GCM2: variants seen among roughly 807,000 people sequenced by gnomAD.
GCM2 encodes the protein chorion-specific transcription factor GCMb.
In GCM2, 21 loss-of-function variants were observed where a neutral mutation model predicts 24.8. That is an observed-to-expected ratio of 0.85 (90% CI 0.60 to 1.22). GCM2 has a LOEUF of 1.22. GCM2 is among the 50% of genes most tolerant of loss of function. The pLI is 0.00. For missense variants in GCM2, 532 were observed against 645.6 expected (o/e 0.82, Z 1.91); for synonymous variants, 222 against 238.0 (o/e 0.93, Z 0.62).
chr6:10,880,643 TTCATCCACCCCAG>T (rs1412840129), intron 1 of GCM2, among the ~76,000 whole-genome samples: 3 of 152,192 alleles, frequency 2.0e-5, no homozygotes, highest in Non-Finnish European at 4.4e-5. Context: ...CATTCACCAC[TTCATCCACCCCAG>T]TCATTCTTTG....
Position 10,881,718 on chromosome 6 carries a change from G to A in GCM2, c.76C>T (p.Pro26Ser), listed in dbSNP as rs763734928. ...GMQLSWDIND[P>S]QMPQELALFD... ...GGTTCACTTACCTGAGGCATCTGCGGATCGTTGATGTCCCAGCTGAGCTGC... is the reference window on the plus strand; with the variant it reads ...GGTTCACTTACCTGAGGCATCTGCGAATCGTTGATGTCCCAGCTGAGCTGC... Residue 26 changes from proline to serine, a missense_variant, in exon 1 of 5, where the codon CCG becomes TCG. Pro to Ser is a moderately conservative substitution (Grantham distance 74, BLOSUM62 -1). This residue lies in a region of GCM2 where 96 missense variants were observed against 103.5 expected (regional missense o/e 0.93). Coordinates refer to ENST00000379491, the MANE Select transcript of GCM2 (RefSeq NM_004752.4). The A allele has an allele frequency of 6.2e-7, 1 of 1,611,664 alleles. No homozygotes were observed. The highest frequency in any genetic ancestry group is 1.1e-5 in the South Asian group (1 of 91,074).
intron 1 of GCM2, among the ~76,000 whole-genome samples, chr6:10,877,942 G>C (rs1779906160): frequency 6.6e-6 from 1 of 152,198 alleles, no homozygotes; most frequent in African/African-American, 2.4e-5. Context: ...AAAGCACTTG[G>C]CTCTGTATGC....
intron 1 of GCM2, 90 bp from the exon 2 acceptor site, chr6:10,877,482 C>G (rs1184235102): frequency 7.3e-7 from 1 of 1,366,120 alleles, no homozygotes; most frequent in African/African-American, 1.4e-5. Context: ...CATTAGGATA[C>G]AAACCAGTTC....
Position 10,877,465 on chromosome 6 carries a change from C to G in GCM2, c.91-73G>C. Reference sequence around the variant, plus strand: ...GCACACATCATGCTCTAAAATTTCTCTGAGCACATTAGGATACAAACCAGT... The same window carrying G: ...GCACACATCATGCTCTAAAATTTCTGTGAGCACATTAGGATACAAACCAGT... On this transcript the variant is annotated intron_variant, in intron 1 of 4. Transcript: ENST00000379491. 3 of 1,509,348 alleles carry G rather than the reference C, an allele frequency of 2.0e-6. No homozygotes were observed. In the South Asian group the frequency reaches 3.4e-5, roughly 17 times the overall value. The allele number at this position is 1,509,348 out of a possible 1,614,324, so 93.5% of individuals were successfully genotyped here.
Position 10,873,634 on chromosome 6 carries a change from C to G in GCM2, c.*361G>C. 3.1e-6 allele frequency: 1 copy of G among 318,254 alleles called. No homozygotes were observed. 19.7% of individuals were successfully genotyped at this position (318,254 alleles called of 1,614,324 possible). On this transcript the variant is annotated 3_prime_UTR_variant, in exon 5 of 5. Transcript: ENST00000379491. ...GGGATGTGAAATTCCCTAAGGTGCT[C>G]TAATGGGAAAAGTCCTAGAATAAGA...
chr6:10,877,414 G>A (rs1354014563), intron 1 of GCM2, 22 bp from the exon 2 acceptor site: 1 of 1,613,774 alleles, frequency 6.2e-7, no homozygotes, highest in Non-Finnish European at 8.5e-7. Flanking sequence ...CAGAAGGAAG[G>A]GTGGTCAGTC....
chr6:10,874,047 C>G lies in GCM2; in HGVS notation c.1469G>C (p.Ser490Thr). 6.2e-7 allele frequency: 1 copy of G among 1,614,242 alleles called. No homozygotes were observed. The highest frequency in any genetic ancestry group is 1.1e-5 in the South Asian group (1 of 91,092). ...GAAGGGACCCACTCTGTCTGAGTAACTGACTGCGGAGCCCAGCCCAGACAG... is the reference window on the plus strand; with the variant it reads ...GAAGGGACCCACTCTGTCTGAGTAAGTGACTGCGGAGCCCAGCCCAGACAG... ...VCLSGLGSAV[S>T]YSDRVGPFFT... Residue 490 changes from serine (S) to threonine (T), a missense_variant, in exon 5 of 5, where the codon AGT (serine) becomes ACT (threonine). This residue lies in a region of GCM2 where 434 missense variants were observed against 521.9 expected (regional missense o/e 0.83). Coordinates refer to ENST00000379491, the MANE Select transcript of GCM2 (RefSeq NM_004752.4).
At position 10,874,140 on chromosome 6, in the gene GCM2, G is replaced by A; in HGVS notation, c.1376C>T (p.Pro459Leu). 1 of 1,614,184 alleles carries A rather than the reference G, an allele frequency of 6.2e-7. No homozygotes were observed. Among genetic ancestry groups the A allele is most frequent in the Non-Finnish European group, 8.5e-7 (1 of 1,180,032 alleles). Residue 459 changes from proline (P) to leucine (L), a missense_variant, in exon 5 of 5, where the codon CCC becomes CTC. Pro to Leu is a moderately conservative substitution (Grantham distance 98). Transcript: ENST00000379491. ...TGGCTCGTGGGGAATAGCCACAGTG[G>A]GTCTGATGGCCCGGCAATCTCCTGC... ...KIAGDCRAIR[P>L]TVAIPHEPVS...
At chr6:10,877,006 T>C (rs896968480) in intron 2 of GCM2, 134 bp downstream of exon 2, 50 of 1,198,098 alleles carry the variant, frequency 4.2e-5, no homozygotes, top group Non-Finnish European at 5.7e-5. Flanking sequence ...GAGGTTGCAG[T>C]GAGCTGAGAT....
At chr6:10,881,314 A>G (rs1479308805) in intron 1 of GCM2, among the ~76,000 whole-genome samples, 3 of 151,934 alleles carry the variant, frequency 2.0e-5, no homozygotes, top group African/African-American at 7.3e-5. Context: ...ATGCGCCACC[A>G]CGCTGGGCTG....
rs771521382 is a variant in GCM2 at position 10,876,010 on chromosome 6, C to A, written c.463G>T (p.Gly155Ter). 6.2e-7 allele frequency: 1 copy of A among 1,614,082 alleles called. No individual in the cohort carries two copies. Residue 155 changes from glycine (G) to a stop codon, truncating the protein, a stop_gained, in exon 4 of 5, where the codon GGA (glycine) becomes TGA (stop). Coordinates refer to ENST00000379491, the MANE Select transcript of GCM2 (RefSeq NM_004752.4). LOFTEE classifies it high-confidence loss of function. The part of the protein sequence containing the change: ...DGNAIFFQAK[G>*]VHDHPRPESK... ...TCTGGTCTTGGATGATCATGAACTC[C>A]CTTGGCCTGCGATAACGAGAAAATG...
Position 10,881,746 on chromosome 6 carries a change from C to T in GCM2, c.48G>A (p.Gly16=), listed in dbSNP as rs1239353168. ...VQEAVGVCSY[G]MQLSWDINDP... ...CGTTGATGTCCCAGCTGAGCTGCAT[C>T]CCGTAGGAGCACACGCCGACCGCTT... Residue 16 remains glycine (G), a synonymous_variant, in exon 1 of 5, where the codon GGG becomes GGA. Coordinates refer to ENST00000379491, the MANE Select transcript of GCM2 (RefSeq NM_004752.4). 3.1e-6 allele frequency: 5 copies of T among 1,611,382 alleles called. No individual in the cohort carries two copies. The highest frequency in any genetic ancestry group is 4.2e-6 in the Non-Finnish European group (5 of 1,179,990).
rs374388110 is a variant in GCM2 at position 10,877,200 on chromosome 6, C to G, written c.283G>C (p.Asp95His). Residue 95 changes from aspartate (D) to histidine (H), a missense_variant, in exon 2 of 5, where the codon GAC becomes CAC. Asp to His is a moderately conservative substitution (Grantham distance 81). Transcript: ENST00000379491. ...GGCCTCAGCTGCAGGCGGGAACCGTCGGGCAGGGTGCAGGCCTGTGTACAC... is the reference window on the plus strand; with the variant it reads ...GGCCTCAGCTGCAGGCGGGAACCGTGGGGCAGGGTGCAGGCCTGTGTACAC... Reference protein sequence around the residue: ...VVCTQACTLPDGSRLQLRPAI... With the variant: ...VVCTQACTLPHGSRLQLRPAI... 2 of 1,614,042 alleles carry G rather than the reference C, an allele frequency of 1.2e-6. No homozygotes were observed. Among genetic ancestry groups the G allele is most frequent in the Non-Finnish European group, 1.7e-6 (2 of 1,180,056 alleles).
At chr6:10,881,618 C>T (rs1779960537) in intron 1 of GCM2, 86 bp downstream of exon 1, 3 of 837,736 alleles carry the variant, frequency 3.6e-6, no homozygotes, top group Admixed American at 3.9e-5. Context: ...ATGGTCCGTC[C>T]GCAGACTCTT....
chr6:10,876,515 G>A lies in GCM2; in HGVS notation c.386C>T (p.Pro129Leu). The change falls in exon 3 of 5, where the codon CCT (proline) becomes CTT (leucine). Residue 129 changes from proline to leucine, a missense_variant. Physicochemically the swap from Pro to Leu is moderately conservative, Grantham distance 98. Transcript: ENST00000379491. ...GGGGTATCCGCTGTGCCCTCGACAA[G>A]GAATCAACTCCAAAGCAGAATGACA... ...PNCHSALELI[P>L]CRGHSGYPVT... The A allele has an allele frequency of 1.2e-6, 2 of 1,614,016 alleles. No individual in the cohort carries two copies. Among genetic ancestry groups the A allele is most frequent in the Non-Finnish European group, 1.7e-6 (2 of 1,179,896 alleles).
Position 10,874,943 on chromosome 6 carries a change from T to A in GCM2, c.583-10A>T. ...CTTGATTTTCTTCTGCCTAGAAAAA[T>A]GATACAAACATAGACACACGCTATG... is the stretch of plus-strand genomic sequence containing the variant. On this transcript the variant is annotated splice_polypyrimidine_tract_variant and intron_variant, in intron 4 of 4. Coordinates refer to ENST00000379491, the MANE Select transcript of GCM2 (RefSeq NM_004752.4). 6.3e-7 allele frequency: 1 copy of A among 1,577,374 alleles called. No homozygotes were observed. Among genetic ancestry groups the A allele is most frequent in the Non-Finnish European group, 8.7e-7 (1 of 1,146,668 alleles).
chr6:10,875,411 T>C (rs1310935496), intron 4 of GCM2, among the ~76,000 whole-genome samples: 3 of 152,196 alleles, frequency 2.0e-5, no homozygotes, highest in Non-Finnish European at 4.4e-5. Flanking sequence ...GCCTGGCACA[T>C]AGGAAGTGCT....
Position 10,873,487 on chromosome 6 carries a change from C to A in GCM2, c.*508G>T, listed in dbSNP as rs988723486. The A allele has an allele frequency of 6.6e-5, 11 of 167,424 alleles. No individual in the cohort carries two copies. Among genetic ancestry groups the A allele is most frequent in the African/African-American group, 1.2e-4 (5 of 41,580 alleles). The allele number at this position is 167,424 out of a possible 1,614,324, so 10.4% of individuals were successfully genotyped here. A position where few individuals can be genotyped will look rare whatever the true frequency, so the allele number is the denominator to read the frequency against. ...GTAGATACACACGTTGGAGATAAAA[C>A]AATCAAAATTACTTCCTGAAGCTAG... On this transcript the variant is annotated 3_prime_UTR_variant, in exon 5 of 5. Coordinates refer to ENST00000379491, the MANE Select transcript of GCM2 (RefSeq NM_004752.4).
In GCM2 at chr6:10,873,338, TGG is replaced by T; in HGVS notation, c.*655_*656del. 6.5e-6 allele frequency: 1 copy of T among 153,640 alleles called. No homozygotes were observed. Among genetic ancestry groups the T allele is most frequent in the Admixed American group, 6.4e-5 (1 of 15,534 alleles). 9.5% of individuals were successfully genotyped at this position (153,640 alleles called of 1,614,324 possible). A position where few individuals can be genotyped will look rare whatever the true frequency, so the allele number is the denominator to read the frequency against. ...CATCATTGTTAGGCTGTCTCTGTTATGGAAACTATCATGTTATGAAAAGGTTA... is the reference window on the plus strand; with the variant it reads ...CATCATTGTTAGGCTGTCTCTGTTATAAACTATCATGTTATGAAAAGGTTA... On this transcript the variant is annotated 3_prime_UTR_variant, in exon 5 of 5. Coordinates refer to ENST00000379491, the MANE Select transcript of GCM2 (RefSeq NM_004752.4).
Sources: gnomAD v4.1 joint callset for allele counts (sites outside exome capture counted in the v4.1 genomes callset) on GRCh38, gnomAD v4.1.1 for gene constraint, gnomAD v4.1.1 regional missense constraint, MANE v1.5 for transcripts, NCBI Gene and HGNC (gene_info 2026-07-23, HGNC 2026-07-21) for gene names.